SIM2: variants seen among roughly 807,000 people sequenced by gnomAD.
SIM2 encodes the protein single-minded homolog 2.
A neutral mutation model predicts 64.8 loss-of-function variants in SIM2; 28 were observed. The ratio of observed to expected loss-of-function variants is 0.43; its 90% CI spans 0.32 to 0.59. SIM2 has a LOEUF of 0.59. Among genes scored for constraint, SIM2 ranks in the 20% least tolerant of loss-of-function variants. The pLI, the probability that SIM2 is intolerant of heterozygous loss-of-function variation, is 0.07. For synonymous variants in SIM2, 408 were observed against 391.1 expected, an observed-to-expected ratio of 1.04 and a Z score of -0.51; for missense variants, 847 against 871.4, an observed-to-expected ratio of 0.97 and a Z score of 0.35.
At chr21:36,723,343 G>C (rs935167164) in intron 5 of SIM2, among the ~76,000 whole-genome samples, 1 of 152,178 alleles carries the variant, frequency 6.6e-6, no homozygotes, top group Non-Finnish European at 1.5e-5. Context: ...CATCGCATAA[G>C]ACCCGGAATC....
chr21:36,703,640 C>G (rs2255972), intron 1 of SIM2, among the ~76,000 whole-genome samples: 120,744 of 152,242 alleles, frequency 0.79, 48,486 homozygotes, highest in African/African-American at 0.94. Flanking sequence ...GGACAGGAGA[C>G]CACGGCTGAC....
At chr21:36,740,246 C>A (rs138039447) in intron 7 of SIM2, among the ~76,000 whole-genome samples, 134 of 152,188 alleles carry the variant, frequency 8.8e-4, no homozygotes, top group African/African-American at 3.0e-3. Context: ...TCACCCCAGT[C>A]CCCCTCGTGC....
Position 36,731,506 on chromosome 21 carries a change from A to G in SIM2, c.850+355A>G, listed in dbSNP as rs573029502. ...TATGGAGCTCTTACTGCTGTCGGGCACTAAGTTTAAGTGACTAAATACATT... is the reference window on the plus strand; with the variant it reads ...TATGGAGCTCTTACTGCTGTCGGGCGCTAAGTTTAAGTGACTAAATACATT... On this transcript the variant is annotated intron_variant, in intron 7 of 10. Transcript: ENST00000290399. Among the ~76,000 whole-genome samples, 5 of 152,332 alleles carry G rather than the reference A, an allele frequency of 3.3e-5. No individual in the cohort carries two copies. The South Asian group carries it at 8.3e-4, about 25-fold the overall frequency.
chr21:36,701,490 GAGC>G (rs1334744043), intron 1 of SIM2: 1 of 149,312 alleles, frequency 6.7e-6, no homozygotes, highest in Non-Finnish European at 1.5e-5. Context: ...GCTGACCCGG[GAGC>G]ACCCGGCAGC....
At chr21:36,739,804 G>T (rs1361247780) in intron 7 of SIM2, among the ~76,000 whole-genome samples, 2 of 152,068 alleles carry the variant, frequency 1.3e-5, no homozygotes, top group African/African-American at 2.4e-5. Flanking sequence ...CTATGGGAGG[G>T]CAAGGTAGGC....
intron 1 of SIM2, among the ~76,000 whole-genome samples, chr21:36,702,235 G>A (rs761114219): frequency 6.6e-6 from 1 of 152,220 alleles, no homozygotes; most frequent in Non-Finnish European, 1.5e-5. Flanking sequence ...TTGCACTGGT[G>A]GCAGGTTTGG....
At position 36,739,737 on chromosome 21, in the gene SIM2, G is replaced by A. The variant is rs774628381; in HGVS notation, c.851-1980G>A. On this transcript the variant is annotated intron_variant, in intron 7 of 10. Coordinates refer to ENST00000290399, the MANE Select transcript of SIM2 (RefSeq NM_005069.6). ...ATCACACATGAAAATGCCTCTCACT[G>A]GGCCAGGCGCCGTGGCTCACACCTG... Among the ~76,000 whole-genome samples, 86 of 152,062 alleles carry A rather than the reference G, an allele frequency of 5.7e-4. 1 individual carries two copies. Among genetic ancestry groups the A allele is most frequent in the Non-Finnish European group, 1.1e-3 (76 of 68,008 alleles).
intron 7 of SIM2, among the ~76,000 whole-genome samples, chr21:36,733,299 A>T: frequency 6.6e-6 from 1 of 151,930 alleles, no homozygotes; most frequent in South Asian, 2.1e-4. Flanking sequence ...ATCTCAGCTC[A>T]CTGCAGCCTC....
intron 7 of SIM2, among the ~76,000 whole-genome samples, chr21:36,731,860 T>C (rs1457683660): frequency 6.6e-6 from 1 of 152,198 alleles, no homozygotes; most frequent in Non-Finnish European, 1.5e-5. Context: ...AAGTGACACT[T>C]TTCTTTTACT....
chr21:36,732,135 C>T (rs564502579), intron 7 of SIM2, among the ~76,000 whole-genome samples: 9 of 152,264 alleles, frequency 5.9e-5, no homozygotes, highest in Admixed American at 2.6e-4. Context: ...CATTTGTCTC[C>T]GCCTCCCAAA....
chr21:36,721,410 T>A (rs904286766), intron 4 of SIM2, among the ~76,000 whole-genome samples: 8 of 152,166 alleles, frequency 5.3e-5, no homozygotes, highest in Non-Finnish European at 1.2e-4. Flanking sequence ...CTGTTACTGT[T>A]TTTGAAAATT....
In SIM2 at chr21:36,749,131, A is replaced by G. The variant is rs1163126245; in HGVS notation, c.*1039A>G. The G allele has an allele frequency of 2.0e-5, 3 of 152,682 alleles. No individual in the cohort carries two copies. Among genetic ancestry groups the G allele is most frequent in the African/African-American group, 7.2e-5 (3 of 41,460 alleles). 9.5% of individuals were successfully genotyped at this position (152,682 alleles called of 1,614,324 possible). A position where few individuals can be genotyped will look rare whatever the true frequency, so the allele number is the denominator to read the frequency against. ...AACATGTTACGTGTGCAACAGGTAA[A>G]CAGAAATCCTTTCATAAAGCACCAG... On this transcript the variant is annotated 3_prime_UTR_variant, in exon 11 of 11. Transcript: ENST00000290399.
intron 1 of SIM2, among the ~76,000 whole-genome samples, chr21:36,704,992 T>C (rs2088559231): frequency 6.6e-6 from 1 of 152,218 alleles, no homozygotes; most frequent in Non-Finnish European, 1.5e-5. Flanking sequence ...GGGATCCTTT[T>C]GTGGGGAAAG....
intron 1 of SIM2, among the ~76,000 whole-genome samples, chr21:36,701,723 G>A (rs1394663519): frequency 6.6e-6 from 1 of 152,234 alleles, no homozygotes; most frequent in Non-Finnish European, 1.5e-5. Flanking sequence ...TGACCCCTTG[G>A]CAGAGAACTA....
chr21:36,703,137 C>T (rs1409888816), intron 1 of SIM2, among the ~76,000 whole-genome samples: 1 of 152,134 alleles, frequency 6.6e-6, no homozygotes, highest in Non-Finnish European at 1.5e-5. Context: ...AGGAGGCTGC[C>T]AGCCTCTGTT....
In SIM2 at chr21:36,745,870, A is replaced by T. The variant is rs780162006; in HGVS notation, c.1576+734A>T. The T allele has an allele frequency of 1.5e-6, 2 of 1,302,104 alleles. No homozygotes were observed. The highest frequency in any genetic ancestry group is 2.5e-5 in the South Asian group (2 of 80,908). 80.7% of individuals were successfully genotyped at this position (1,302,104 alleles called of 1,614,324 possible). On this transcript the variant is annotated intron_variant, in intron 10 of 10. Coordinates refer to ENST00000290399, the MANE Select transcript of SIM2 (RefSeq NM_005069.6). The surrounding 1 kb of genome is among the most constrained non-coding windows in gnomAD (Gnocchi z 4.8). ...TGACTCCTGTTTGCTCGCTGGACCAACCCCAGGCAGAAGGTGGAAGGTGGG... is the reference window on the plus strand; with the variant it reads ...TGACTCCTGTTTGCTCGCTGGACCATCCCCAGGCAGAAGGTGGAAGGTGGG...
At chr21:36,722,950 T>G in intron 4 of SIM2, 95 bp from the exon 5 acceptor site, 1 of 931,056 alleles carries the variant, frequency 1.1e-6, no homozygotes, top group Non-Finnish European at 1.8e-6. Context: ...CTCTGGGTGC[T>G]GCATCTGGCC....
At chr21:36,731,959 T>A (rs1337259490) in intron 7 of SIM2, among the ~76,000 whole-genome samples, 1 of 152,348 alleles carries the variant, frequency 6.6e-6, no homozygotes. Flanking sequence ...CTTGGCTCAC[T>A]GCAACCTCCG....
intron 7 of SIM2, among the ~76,000 whole-genome samples, chr21:36,741,029 C>T (rs969565308): frequency 6.6e-6 from 1 of 152,206 alleles, no homozygotes; most frequent in Non-Finnish European, 1.5e-5. Flanking sequence ...TTTATGGGTG[C>T]ACCGAGCCTT....
Sources: allele counts gnomAD v4.1 joint callset (sites outside exome capture counted in the v4.1 genomes callset), GRCh38; gene constraint gnomAD v4.1.1; non-coding constraint Gnocchi (gnomAD v3.1); transcripts MANE v1.5; gene names NCBI Gene and HGNC (gene_info 2026-07-23, HGNC 2026-07-21).